The following KCNIP3 variants were observed in gnomAD, a reference collection of about 807,000 sequenced individuals.
KCNIP3 encodes potassium voltage-gated channel interacting protein 3, also known as calsenilin.
Under a neutral mutation model 35.0 loss-of-function variants are expected in KCNIP3, and 28 were observed. The ratio of observed to expected loss-of-function variants is 0.80; its 90% CI spans 0.59 to 1.10. The LOEUF is 1.10. KCNIP3 is among the 50% of genes least tolerant of loss of function. The pLI, the probability that KCNIP3 is intolerant of heterozygous loss-of-function variation, is 0.00. For synonymous variants in KCNIP3, 134 were observed against 133.8 expected, an observed-to-expected ratio of 1.00 and a Z score of -0.01; for missense variants, 295 against 338.4, an observed-to-expected ratio of 0.87 and a Z score of 1.01.
intron 1 of KCNIP3, among the ~76,000 whole-genome samples, chr2:95,298,520 G>C (rs1170118288): frequency 1.3e-5 from 2 of 152,168 alleles, no homozygotes; most frequent in Non-Finnish European, 2.9e-5. Context: ...ATGTAGGAAA[G>C]AAGGGATATG....
At chr2:95,304,412 C>T (rs71427025) in intron 1 of KCNIP3, among the ~76,000 whole-genome samples, 1 of 152,138 alleles carries the variant, frequency 6.6e-6, no homozygotes, top group African/African-American at 2.4e-5. Context: ...GAGCTGAGGC[C>T]GTGCCCTCCC....
At chr2:95,321,357 G>A (rs558900485) in intron 2 of KCNIP3, among the ~76,000 whole-genome samples, 1 of 152,174 alleles carries the variant, frequency 6.6e-6, no homozygotes, top group African/African-American at 2.4e-5. Flanking sequence ...TCAAGAGAGC[G>A]TCAGCCCTGT....
chr2:95,381,533 C>A, intron 5 of KCNIP3, 63 bp from the exon 6 acceptor site: 3 of 1,224,184 alleles, frequency 2.5e-6, no homozygotes, highest in Non-Finnish European at 3.6e-6. Flanking sequence ...AGCCACACAG[C>A]AACTGGAACT....
At chr2:95,325,793 TCATACACA>T (rs1456881133) in intron 2 of KCNIP3, among the ~76,000 whole-genome samples, 3 of 122,242 alleles carry the variant, frequency 2.5e-5, no homozygotes, top group Non-Finnish European at 5.3e-5. Flanking sequence ...TCATACACAC[TCATACACA>T]CATACACTCA....
chr2:95,300,242 C>T (rs772640058), intron 1 of KCNIP3, among the ~76,000 whole-genome samples: 8 of 152,246 alleles, frequency 5.3e-5, no homozygotes, highest in Admixed American at 1.3e-4. Flanking sequence ...GCGTTAGCCA[C>T]GTGACCTGGA....
At chr2:95,375,243 C>T in intron 5 of KCNIP3, 35 bp downstream of exon 5, 1 of 1,582,814 alleles carries the variant, frequency 6.3e-7, no homozygotes. Context: ...CGTGTCCTGC[C>T]CCTGTGGTTG....
In KCNIP3 at chr2:95,382,529, G is replaced by C; in HGVS notation, c.660+48G>C. 1.4e-6 allele frequency: 2 copies of C among 1,431,802 alleles called. No individual in the cohort carries two copies. The highest frequency in any genetic ancestry group is 1.9e-6 in the Non-Finnish European group (2 of 1,044,498). The allele number at this position is 1,431,802 out of a possible 1,614,324, so 88.7% of individuals were successfully genotyped here. A position where few individuals can be genotyped will look rare whatever the true frequency, so the allele number is the denominator to read the frequency against. ...TAGGGAGGGGAGCCTGGCAGAGGAA[G>C]GGGCTCTCGCTTTTGGGGCCACCCC... On this transcript the variant is annotated intron_variant, in intron 7 of 8. Transcript: ENST00000295225. The surrounding 1 kb of genome is among the most constrained non-coding windows in gnomAD (Gnocchi z 4.5).
At chr2:95,342,321 C>T (rs949204914) in intron 2 of KCNIP3, among the ~76,000 whole-genome samples, 1 of 152,220 alleles carries the variant, frequency 6.6e-6, no homozygotes, top group African/African-American at 2.4e-5. Context: ...CTTCTTCCTC[C>T]TTTCCAGTTC....
At chr2:95,347,490 C>T (rs181393236) in intron 2 of KCNIP3, among the ~76,000 whole-genome samples, 38 of 152,350 alleles carry the variant, frequency 2.5e-4, no homozygotes, top group Admixed American at 1.4e-3. Context: ...CCCAGGGCAC[C>T]TGGCAGCCGG....
intron 2 of KCNIP3, among the ~76,000 whole-genome samples, chr2:95,321,659 C>G (rs76055190): frequency 6.6e-6 from 1 of 152,136 alleles, no homozygotes; most frequent in Non-Finnish European, 1.5e-5. Context: ...AAGAGAAACA[C>G]GGGGCTCTTT....
At chr2:95,334,507 G>A in intron 2 of KCNIP3, among the ~76,000 whole-genome samples, 1 of 152,192 alleles carries the variant, frequency 6.6e-6, no homozygotes, top group East Asian at 1.9e-4. Flanking sequence ...GAGAGAGGTG[G>A]GAAAGCCACG....
intron 2 of KCNIP3, chr2:95,313,058 C>T (rs1678362512): frequency 6.6e-6 from 1 of 152,396 alleles, no homozygotes; most frequent in African/African-American, 2.4e-5. Flanking sequence ...ACAATGGGGC[C>T]CATTCAGTGC....
intron 2 of KCNIP3, among the ~76,000 whole-genome samples, chr2:95,365,094 T>C (rs577021385): frequency 6.6e-6 from 1 of 151,042 alleles, no homozygotes; most frequent in South Asian, 2.1e-4. Flanking sequence ...AAATAAAAAA[T>C]TTACCTAGTC....
Position 95,382,740 on chromosome 2 carries a change from C to G in KCNIP3, c.660+259C>G, listed in dbSNP as rs950183663. Among the ~76,000 whole-genome samples the G allele has an allele frequency of 1.3e-5, 2 of 152,198 alleles. No individual in the cohort carries two copies. The highest frequency in any genetic ancestry group is 2.4e-5 in the African/African-American group (1 of 41,466). ...CTGACCCTGGGCCGGAGCTCCATGC[C>G]TCCTGAGAGCTGTGTGGCTCCTCCA... On this transcript the variant is annotated intron_variant, in intron 7 of 8. Coordinates refer to ENST00000295225, the MANE Select transcript of KCNIP3 (RefSeq NM_013434.5). This position sits in a 1 kb window ranked among gnomAD's most constrained non-coding sequence, Gnocchi z 4.5.
At chr2:95,361,833 G>A (rs545378715) in intron 2 of KCNIP3, among the ~76,000 whole-genome samples, 2 of 152,278 alleles carry the variant, frequency 1.3e-5, no homozygotes, top group South Asian at 2.1e-4. Context: ...TCCCTGCTGC[G>A]GTCACCCTGT....
At chr2:95,355,976 T>C (rs1421427122) in intron 2 of KCNIP3, among the ~76,000 whole-genome samples, 1 of 152,210 alleles carries the variant, frequency 6.6e-6, no homozygotes, top group Non-Finnish European at 1.5e-5. Context: ...TGTAAAGGCG[T>C]TCCTATTTCT....
intron 2 of KCNIP3, among the ~76,000 whole-genome samples, chr2:95,361,579 T>C (rs973579566): frequency 3.3e-5 from 5 of 152,190 alleles, no homozygotes; most frequent in African/African-American, 1.2e-4. Flanking sequence ...TATTATCTCT[T>C]TTTCTCTGAT....
chr2:95,315,843 G>A (rs1439616953), intron 2 of KCNIP3, among the ~76,000 whole-genome samples: 1 of 152,176 alleles, frequency 6.6e-6, no homozygotes, highest in African/African-American at 2.4e-5. Context: ...CGCAGGTACA[G>A]CCTCCCTGCG....
intron 2 of KCNIP3, among the ~76,000 whole-genome samples, chr2:95,363,038 T>C (rs1241291838): frequency 1.3e-5 from 2 of 152,218 alleles, no homozygotes; most frequent in East Asian, 3.8e-4. Flanking sequence ...GATTCTTCTT[T>C]CATCATTTGT....
Sources: allele counts gnomAD v4.1 joint callset (sites outside exome capture counted in the v4.1 genomes callset), GRCh38; gene constraint gnomAD v4.1.1; non-coding constraint Gnocchi (gnomAD v3.1); transcripts MANE v1.5; gene names NCBI Gene and HGNC (gene_info 2026-07-23, HGNC 2026-07-21).